The following STX17 variants were observed in gnomAD, a reference collection of about 807,000 sequenced individuals.
STX17 encodes syntaxin 17.
Under a neutral mutation model 35.9 loss-of-function variants are expected in STX17, and 29 were observed. The ratio of observed to expected loss-of-function variants is 0.81; its 90% confidence interval spans 0.60 to 1.10. The LOEUF (loss-of-function observed/expected upper bound fraction) is 1.10. Among genes scored for constraint, STX17 ranks in the 50% least tolerant of loss-of-function variants. The pLI, the probability that STX17 is intolerant of heterozygous loss-of-function variation, is 0.00. For synonymous variants in STX17, 92 were observed against 118.3 expected, an observed-to-expected ratio of 0.78 and a Z score of 1.44; for missense variants, 312 against 352.3, an observed-to-expected ratio of 0.89 and a Z score of 0.92.
intron 2 of STX17, among the ~76,000 whole-genome samples, chr9:99,918,577 C>G (rs1443347480): frequency 1.3e-5 from 2 of 149,252 alleles, no homozygotes; most frequent in Non-Finnish European, 3.0e-5. Context: ...TTTCTTCTCT[C>G]TCTCTCTTTC....
intron 4 of STX17, among the ~76,000 whole-genome samples, chr9:99,957,393 T>C (rs140404842): frequency 2.0e-5 from 3 of 152,312 alleles, no homozygotes; most frequent in African/African-American, 7.2e-5. Context: ...CTGGCTCTTC[T>C]AAAATACAAA....
chr9:99,909,353 A>G (rs950917287), intron 1 of STX17, among the ~76,000 whole-genome samples: 5 of 152,236 alleles, frequency 3.3e-5, no homozygotes, highest in Non-Finnish European at 5.9e-5. Flanking sequence ...CTATTTGACT[A>G]GAGTGATAGG....
chr9:99,954,584 A>G (rs1485003508), intron 4 of STX17, among the ~76,000 whole-genome samples: 1 of 152,048 alleles, frequency 6.6e-6, no homozygotes, highest in African/African-American at 2.4e-5. Flanking sequence ...GTCATTCTAC[A>G]TGTTTTTATT....
intron 2 of STX17, among the ~76,000 whole-genome samples, chr9:99,918,486 C>G (rs1040611352): frequency 4.6e-5 from 7 of 151,688 alleles, no homozygotes; most frequent in African/African-American, 1.7e-4. Flanking sequence ...GATGCTGTAT[C>G]ATAACATCTT....
intron 2 of STX17, among the ~76,000 whole-genome samples, chr9:99,915,577 G>C (rs1360633350): frequency 6.6e-6 from 1 of 152,114 alleles, no homozygotes; most frequent in African/African-American, 2.4e-5. Flanking sequence ...TATAGGAATA[G>C]AGTCTATGCT....
At chr9:99,913,108 A>AT (rs1010052099) in intron 1 of STX17, among the ~76,000 whole-genome samples, 7 of 151,686 alleles carry the variant, frequency 4.6e-5, no homozygotes, top group Non-Finnish European at 7.4e-5. Context: ...TTTATGTCTC[A>AT]TTTTTTTAAT....
chr9:99,952,793 C>T (rs1261284040), intron 4 of STX17, among the ~76,000 whole-genome samples: 1 of 150,128 alleles, frequency 6.7e-6, no homozygotes, highest in Non-Finnish European at 1.5e-5. Flanking sequence ...AAAAACCAAA[C>T]ACTGCATGTT....
chr9:99,967,806 A>C (rs1307585843), intron 7 of STX17, 67 bp downstream of exon 7: 1 of 1,344,372 alleles, frequency 7.4e-7, no homozygotes, highest in African/African-American at 1.4e-5. Flanking sequence ...GTATTAACCC[A>C]ATTGATCTGC....
At chr9:99,964,763 GA>G (rs1418745853) in intron 6 of STX17, among the ~76,000 whole-genome samples, 2 of 152,134 alleles carry the variant, frequency 1.3e-5, no homozygotes, top group African/African-American at 4.8e-5. Context: ...GGACATAGTG[GA>G]CAGGTAGTGA....
chr9:99,963,767 T>C (rs1829868151), intron 6 of STX17, among the ~76,000 whole-genome samples: 1 of 152,220 alleles, frequency 6.6e-6, no homozygotes, highest in South Asian at 2.1e-4. Context: ...ATCCTACTTA[T>C]CTACTCTGCT....
At chr9:99,925,273 C>T (rs1200711369) in intron 2 of STX17, among the ~76,000 whole-genome samples, 2 of 151,954 alleles carry the variant, frequency 1.3e-5, no homozygotes, top group African/African-American at 4.8e-5. Flanking sequence ...ACTTCTAGGT[C>T]CTCTCTTAGG....
chr9:99,962,377 C>T (rs1829844442), intron 6 of STX17, among the ~76,000 whole-genome samples: 1 of 152,162 alleles, frequency 6.6e-6, no homozygotes, highest in Non-Finnish European at 1.5e-5. Context: ...ATTTATTCAA[C>T]TATTGTAAAC....
chr9:99,972,043 A>G lies in STX17; in HGVS notation c.*3370A>G, dbSNP rs1286268564. 2.0e-5 allele frequency among the ~76,000 whole-genome samples: 3 copies of G among 152,222 alleles called. No individual in the cohort carries two copies. Among genetic ancestry groups the G allele is most frequent in the Non-Finnish European group, 4.4e-5 (3 of 68,040 alleles). On this transcript the variant is annotated 3_prime_UTR_variant, in exon 8 of 8. Transcript: ENST00000259400. The stretch of plus-strand genomic sequence containing the variant: ...TTCTCCTTTACCAAACAGGCTTTGA[A>G]ATGACACATTCCATTCATTTGCATC...
chr9:99,941,819 C>A (rs1437388516), intron 3 of STX17, among the ~76,000 whole-genome samples: 1 of 152,174 alleles, frequency 6.6e-6, no homozygotes, highest in Non-Finnish European at 1.5e-5. Context: ...TTGCCTATAA[C>A]AATAGTTCAT....
intron 2 of STX17, among the ~76,000 whole-genome samples, chr9:99,925,366 G>T (rs1459355207): frequency 6.6e-6 from 1 of 151,832 alleles, no homozygotes; most frequent in African/African-American, 2.4e-5. Flanking sequence ...GCTTTAAATT[G>T]TGTTATTTTT....
chr9:99,918,773 T>A (rs944868494), intron 2 of STX17, among the ~76,000 whole-genome samples: 6 of 152,140 alleles, frequency 3.9e-5, no homozygotes, highest in African/African-American at 1.2e-4. Context: ...AACCACTAGA[T>A]GTCAGTAACT....
intron 4 of STX17, chr9:99,953,936 T>C (rs560635446): frequency 1.3e-5 from 2 of 152,158 alleles, no homozygotes; most frequent in East Asian, 3.9e-4. Context: ...ATTGGGTGAT[T>C]ATTATTAATA....
At chr9:99,945,703 A>C (rs749789590) in intron 3 of STX17, 2 of 377,770 alleles carry the variant, frequency 5.3e-6, no homozygotes, top group Non-Finnish European at 1.0e-5. Flanking sequence ...AATTTATCTA[A>C]TTTTTTCCTT....
chr9:99,933,689 A>G (rs1829171404), intron 3 of STX17, among the ~76,000 whole-genome samples: 1 of 151,910 alleles, frequency 6.6e-6, no homozygotes, highest in African/African-American at 2.4e-5. Flanking sequence ...TGACCTTGCT[A>G]CTCCCCCACC....
Sources: gnomAD v4.1 joint callset for allele counts (sites outside exome capture counted in the v4.1 genomes callset) on GRCh38, gnomAD v4.1.1 for gene constraint, MANE v1.5 for transcripts, NCBI Gene and HGNC (gene_info 2026-07-23, HGNC 2026-07-21) for gene names.